The following SKI variants were observed in gnomAD, a reference collection of about 807,000 sequenced individuals.
SKI encodes SKI proto-oncogene.
SKI carries 23 observed loss-of-function variants against 59.3 expected under a neutral mutation model. That is an observed-to-expected ratio of 0.39 (90% CI 0.28 to 0.55). The LOEUF (loss-of-function observed/expected upper bound fraction) is 0.55. Ranked by LOEUF, SKI falls within the 20% of genes least tolerant of loss-of-function variation. SKI has a pLI of 0.67. For synonymous variants in SKI, 673 were observed against 488.6 expected (o/e 1.38, Z -4.98); for missense variants, 1,017 against 1,038.9 (o/e 0.98, Z 0.29).
At chr1:2,266,032 G>A (rs1639493837) in intron 1 of SKI, among the ~76,000 whole-genome samples, 2 of 152,152 alleles carry the variant, frequency 1.3e-5, no homozygotes, top group Non-Finnish European at 2.9e-5. Flanking sequence ...GTTATTTGGA[G>A]GCAGCTTGAT....
chr1:2,303,736 A>C lies in SKI; in HGVS notation c.1212-104A>C. ...CTTGACTTGAAGATTCGGAGCTGGG[A>C]AAGTCTTTCCTGTTTAACACCTTCA... On this transcript the variant is annotated intron_variant, in intron 3 of 6. Coordinates refer to ENST00000378536, the MANE Select transcript of SKI (RefSeq NM_003036.4). The surrounding 1 kb of genome is among the most constrained non-coding windows in gnomAD (Gnocchi z 5.6). The C allele has an allele frequency of 6.9e-7, 1 of 1,443,320 alleles. No homozygotes were observed. Among genetic ancestry groups the C allele is most frequent in the Non-Finnish European group, 9.5e-7 (1 of 1,051,992 alleles). 89.4% of individuals were successfully genotyped at this position (1,443,320 alleles called of 1,614,324 possible).
intron 1 of SKI, among the ~76,000 whole-genome samples, chr1:2,300,071 G>A (rs1197280028): frequency 6.6e-6 from 1 of 152,222 alleles, no homozygotes; most frequent in African/African-American, 2.4e-5. Flanking sequence ...CTATTCCTCA[G>A]CCCAGCCCTG....
At chr1:2,242,911 G>A (rs998853387) in intron 1 of SKI, among the ~76,000 whole-genome samples, 49 of 152,220 alleles carry the variant, frequency 3.2e-4, no homozygotes, top group African/African-American at 1.2e-3. Flanking sequence ...TTCTCTGTGG[G>A]AATATTATTG....
intron 1 of SKI, among the ~76,000 whole-genome samples, chr1:2,237,032 A>T (rs1367567446): frequency 6.6e-6 from 1 of 152,112 alleles, no homozygotes; most frequent in Non-Finnish European, 1.5e-5. Context: ...CAAATCAGGG[A>T]TCTTTCTCTG....
Position 2,304,495 on chromosome 1 carries a change from A to G in SKI, c.1677A>G (p.Lys559=), listed in dbSNP as rs1569862103. The change falls in exon 5 of 7, where the codon AAA becomes AAG. Residue 559 remains lysine (K), a synonymous_variant. Transcript: ENST00000378536. The stretch of plus-strand genomic sequence containing the variant: ...GCGGCCTGGACACCAAGGAAGCCAA[A>G]GAGAAGTTCCTGCATGAGGTGGTCA... ...LEGGLDTKEA[K]EKFLHEVVKM... The G allele has an allele frequency of 1.3e-6, 2 of 1,580,564 alleles. No individual in the cohort carries two copies. Among genetic ancestry groups the G allele is most frequent in the Non-Finnish European group, 1.7e-6 (2 of 1,164,736 alleles).
intron 1 of SKI, among the ~76,000 whole-genome samples, chr1:2,233,338 T>TGG (rs1398201542): frequency 1.3e-5 from 2 of 152,076 alleles, no homozygotes; most frequent in Non-Finnish European, 2.9e-5. Flanking sequence ...GTCCTGTTCC[T>TGG]AGGGGCGGTG....
At chr1:2,279,495 G>T (rs1011148174) in intron 1 of SKI, among the ~76,000 whole-genome samples, 1 of 152,222 alleles carries the variant, frequency 6.6e-6, no homozygotes, top group Non-Finnish European at 1.5e-5. Context: ...CCTCCTCTGG[G>T]CTTGCCAGGA....
intron 1 of SKI, among the ~76,000 whole-genome samples, chr1:2,256,148 C>CT: frequency 2.0e-5 from 3 of 151,870 alleles, no homozygotes; most frequent in Admixed American, 2.0e-4. Context: ...CTGTGCCACT[C>CT]TGTGTCCTGA....
At chr1:2,289,456 C>T (rs1640114008) in intron 1 of SKI, among the ~76,000 whole-genome samples, 1 of 151,562 alleles carries the variant, frequency 6.6e-6, no homozygotes, top group Non-Finnish European at 1.5e-5. Context: ...CTACACCAAC[C>T]CCGAGCCCCG....
At chr1:2,276,628 G>T (rs568054497) in intron 1 of SKI, among the ~76,000 whole-genome samples, 2 of 152,358 alleles carry the variant, frequency 1.3e-5, no homozygotes, top group African/African-American at 4.8e-5. Flanking sequence ...ACAGAAAATG[G>T]CAGGGCTCAC....
At chr1:2,230,418 G>A (rs1018621769) in intron 1 of SKI, among the ~76,000 whole-genome samples, 3 of 152,160 alleles carry the variant, frequency 2.0e-5, no homozygotes, top group African/African-American at 7.2e-5. Flanking sequence ...CCCAGAGTCC[G>A]CCGTGTGGGG....
intron 1 of SKI, among the ~76,000 whole-genome samples, chr1:2,256,211 G>A (rs1188625615): frequency 6.8e-6 from 1 of 147,812 alleles, no homozygotes; most frequent in African/African-American, 2.5e-5. Flanking sequence ...CCTGTCTGGA[G>A]CACTCTGTCC....
chr1:2,252,686 C>T lies in SKI; in HGVS notation c.969+22951C>T, dbSNP rs114591634. On this transcript the variant is annotated intron_variant, in intron 1 of 6. Coordinates refer to ENST00000378536, the MANE Select transcript of SKI (RefSeq NM_003036.4). ...CAGCGTCCTCACAGCTGTCCCCAAACGCGTGGTATGGGTTCCTCCCTCAGG... is the reference window on the plus strand; with the variant it reads ...CAGCGTCCTCACAGCTGTCCCCAAATGCGTGGTATGGGTTCCTCCCTCAGG... Among the ~76,000 whole-genome samples the T allele has an allele frequency of 4.4e-3, 670 of 152,264 alleles. 8 individuals are homozygous for T. The highest frequency in any genetic ancestry group is 0.015 in the African/African-American group (634 of 41,550).
intron 1 of SKI, among the ~76,000 whole-genome samples, chr1:2,266,886 G>A (rs1181287168): frequency 2.0e-5 from 3 of 152,206 alleles, no homozygotes; most frequent in South Asian, 4.1e-4. Context: ...TAGAAAGAGC[G>A]AAAGTAACTG....
At chr1:2,258,141 C>T (rs12084736) in intron 1 of SKI, among the ~76,000 whole-genome samples, 17,089 of 152,246 alleles carry the variant, frequency 0.11, 1,605 homozygotes, top group East Asian at 0.43. Context: ...TTATTTGCGA[C>T]TTTAACCAGA....
chr1:2,237,564 AACCCCTGGT>A (rs1638778058), intron 1 of SKI, among the ~76,000 whole-genome samples: 1 of 152,186 alleles, frequency 6.6e-6, no homozygotes, highest in Admixed American at 6.5e-5. Flanking sequence ...GCCTGCTGGG[AACCCCTGGT>A]CCAGCTGTTG....
intron 1 of SKI, among the ~76,000 whole-genome samples, chr1:2,289,458 C>T (rs371110208): frequency 1.4e-4 from 21 of 149,906 alleles, no homozygotes; most frequent in African/African-American, 4.7e-4. Flanking sequence ...ACACCAACCC[C>T]GAGCCCCGCG....
At chr1:2,264,626 T>C (rs150771814) in intron 1 of SKI, among the ~76,000 whole-genome samples, 212 of 152,046 alleles carry the variant, frequency 1.4e-3, no homozygotes, top group Admixed American at 0.012. Flanking sequence ...GGTCTTGAAC[T>C]TGGACTCAAG....
chr1:2,305,778 GACTCAGGCCCCCAGGTTTAGC>G, intron 5 of SKI, among the ~76,000 whole-genome samples: 1 of 152,238 alleles, frequency 6.6e-6, no homozygotes, highest in Non-Finnish European at 1.5e-5. Context: ...TCAAGTGACT[GACTCAGGCCCCCAGGTTTAGC>G]ACAGCTGCCA....
Sources: allele counts gnomAD v4.1 joint callset (sites outside exome capture counted in the v4.1 genomes callset), GRCh38; gene constraint gnomAD v4.1.1; non-coding constraint Gnocchi (gnomAD v3.1); transcripts MANE v1.5; gene names NCBI Gene and HGNC (gene_info 2026-07-23, HGNC 2026-07-21).